The following CACNA1I variants were observed in gnomAD, a reference collection of about 807,000 sequenced individuals.
CACNA1I encodes voltage-dependent T-type calcium channel subunit alpha-1I.
Under a neutral mutation model 201.6 loss-of-function variants are expected in CACNA1I, and 74 were observed. The ratio of observed to expected loss-of-function variants is 0.37; its 90% CI spans 0.30 to 0.45. The LOEUF is 0.45. CACNA1I is among the 20% of genes least tolerant of loss of function. The probability of loss-of-function intolerance (pLI) is 1.00; values close to 1 mark genes in which losing one functional copy is unlikely to be tolerated. For missense variants in CACNA1I, 2,346 were observed against 3,138.1 expected (o/e 0.75, Z 6.03); for synonymous variants, 1,431 against 1,345.2 (o/e 1.06, Z -1.40).
chr22:39,585,126 C>G (rs6001625), intron 1 of CACNA1I, among the ~76,000 whole-genome samples: 32 of 152,304 alleles, frequency 2.1e-4, no homozygotes, highest in African/African-American at 6.7e-4. Context: ...GTGGTGCAAT[C>G]TCGGCTCACC....
intron 10 of CACNA1I, 147 bp from the exon 11 acceptor site, chr22:39,658,005 G>C (rs1246827131): frequency 5.1e-6 from 4 of 778,188 alleles, no homozygotes; most frequent in Non-Finnish European, 8.4e-6. Flanking sequence ...GGCCCTCGGG[G>C]CCTTGTGCAT....
At chr22:39,682,039 A>T (rs1485465779) in intron 34 of CACNA1I, among the ~76,000 whole-genome samples, 1 of 152,134 alleles carries the variant, frequency 6.6e-6, no homozygotes, top group African/African-American at 2.4e-5. Context: ...TGGAGGGGGC[A>T]TTAAGGCGGC....
rs1935109199 is a variant in CACNA1I, at chr22:39,664,127, A to G, written c.3634A>G (p.Thr1212Ala). 6.2e-7 allele frequency: 1 copy of G among 1,613,520 alleles called. No homozygotes were observed. ...TCTCACCGTGTCCAACTACATCTTC[A>G]CGGCCATCTTCGTGGGCGAGATGAC... ...IFLTVSNYIFTAIFVGEMTLK... is the reference protein window; with the variant it reads ...IFLTVSNYIFAAIFVGEMTLK... The change falls in exon 20 of 37, where the codon ACG becomes GCG. Residue 1212 changes from threonine to alanine, a missense_variant. This residue lies in a region of CACNA1I where 158 missense variants were observed against 231.6 expected (regional missense o/e 0.68). Transcript: ENST00000402142.
Position 39,660,422 on chromosome 22 carries a change from C to T in CACNA1I, c.2683C>T (p.Leu895=). Residue 895 remains leucine (L), a synonymous_variant, in exon 15 of 37, where the codon CTG becomes TTG. Coordinates refer to ENST00000402142, the MANE Select transcript of CACNA1I (RefSeq NM_021096.4). ...AGAGTTTGATAAGCTCCAGGAAGGC[C>T]TGGACAGCAGCGGAGGTAAACAGGC... ...IEEFDKLQEG[L]DSSGDPKLCP... 6.2e-7 allele frequency: 1 copy of T among 1,611,998 alleles called. No homozygotes were observed. Among genetic ancestry groups the T allele is most frequent in the Non-Finnish European group, 8.5e-7 (1 of 1,179,348 alleles).
At chr22:39,585,718 A>AC (rs1932729192) in intron 1 of CACNA1I, among the ~76,000 whole-genome samples, 1 of 123,102 alleles carries the variant, frequency 8.1e-6, no homozygotes, top group African/African-American at 3.1e-5. Flanking sequence ...AAAAAAAAAA[A>AC]CTTTTAAAGT....
intron 4 of CACNA1I, among the ~76,000 whole-genome samples, chr22:39,620,622 A>G (rs889503377): frequency 1.3e-5 from 2 of 152,216 alleles, no homozygotes; most frequent in African/African-American, 4.8e-5. Flanking sequence ...GTGAGTAGCA[A>G]AGGCTGGAGT....
At chr22:39,581,476 C>A (rs145608374) in intron 1 of CACNA1I, among the ~76,000 whole-genome samples, 7 of 152,128 alleles carry the variant, frequency 4.6e-5, no homozygotes, top group South Asian at 4.1e-4. Flanking sequence ...GCAGCTGAGC[C>A]GGCCCTGAGT....
rs183213018 is a variant in CACNA1I, at chr22:39,627,421, C to T, written c.581-7144C>T. ...CCTGTGCAGACGCCCCTGTGGACAG[C>T]GCCCCGAACGGCACACACATCTCTG... is the stretch of plus-strand genomic sequence containing the variant. On this transcript the variant is annotated intron_variant, in intron 4 of 36. Transcript: ENST00000402142. Among the ~76,000 whole-genome samples, 11 of 152,354 alleles carry T rather than the reference C, an allele frequency of 7.2e-5. No homozygotes were observed. In the East Asian group the frequency reaches 1.2e-3, roughly 16 times the overall value.
chr22:39,597,020 C>T (rs1036088595), intron 1 of CACNA1I, among the ~76,000 whole-genome samples: 2 of 152,210 alleles, frequency 1.3e-5, no homozygotes, highest in Non-Finnish European at 2.9e-5. Flanking sequence ...CGACTCCAGT[C>T]ATTGCCTGTT....
chr22:39,658,385 C>A, intron 11 of CACNA1I, 82 bp downstream of exon 11: 3 of 1,316,434 alleles, frequency 2.3e-6, no homozygotes, highest in Non-Finnish European at 3.2e-6. Flanking sequence ...ATATAAAGGA[C>A]ATAAGATGGC....
chr22:39,632,522 T>A lies in CACNA1I; in HGVS notation c.581-2043T>A, dbSNP rs1048533601. Among the ~76,000 whole-genome samples, 4 of 150,640 alleles carry A rather than the reference T, an allele frequency of 2.7e-5. No individual in the cohort carries two copies. The South Asian group carries it at 8.5e-4, about 32-fold the overall frequency. On this transcript the variant is annotated intron_variant, in intron 4 of 36. Coordinates refer to ENST00000402142, the MANE Select transcript of CACNA1I (RefSeq NM_021096.4). ...GAGCGGCCCCACTCCCCAGACACAG[T>A]CCTTTGGCTCAACACTTGGTCCCCT...
At chr22:39,681,778 C>A (rs1935714640) in intron 34 of CACNA1I, among the ~76,000 whole-genome samples, 1 of 152,084 alleles carries the variant, frequency 6.6e-6, no homozygotes. Flanking sequence ...GGTACCTCTG[C>A]CCCCTAGGCT....
chr22:39,662,470 G>T (rs950306780), intron 17 of CACNA1I, 35 bp downstream of exon 17: 1 of 1,363,564 alleles, frequency 7.3e-7, no homozygotes. Context: ...GACCTGGTGC[G>T]GTGGGATAGG....
intron 34 of CACNA1I, 29 bp downstream of exon 34, chr22:39,681,081 G>A (rs748336238): frequency 1.3e-6 from 2 of 1,593,696 alleles, no homozygotes; most frequent in South Asian, 2.3e-5. Context: ...TCCTGAGCAG[G>A]CGGGTCTGTC....
At chr22:39,653,486 C>T (rs1934716007) in intron 10 of CACNA1I, among the ~76,000 whole-genome samples, 1 of 152,164 alleles carries the variant, frequency 6.6e-6, no homozygotes, top group Non-Finnish European at 1.5e-5. Flanking sequence ...TGAGGTGGCG[C>T]TCGCAGAGAG....
chr22:39,607,484 C>T (rs1299669716), intron 3 of CACNA1I, among the ~76,000 whole-genome samples: 2 of 152,164 alleles, frequency 1.3e-5, no homozygotes, highest in African/African-American at 4.8e-5. Context: ...CTGTGGGCCA[C>T]TGGTGGAGAA....
intron 1 of CACNA1I, among the ~76,000 whole-genome samples, chr22:39,582,936 CCAAGCA>C: frequency 6.8e-6 from 1 of 147,538 alleles, no homozygotes; most frequent in East Asian, 2.1e-4. Context: ...ATCCATCCAT[CCAAGCA>C]TCCAACTATC....
At chr22:39,582,176 T>TATG (rs1490015937) in intron 1 of CACNA1I, among the ~76,000 whole-genome samples, 1 of 152,160 alleles carries the variant, frequency 6.6e-6, no homozygotes, top group Admixed American at 6.5e-5. Flanking sequence ...GATTATGGAT[T>TATG]GACTCTCCCC....
Position 39,659,612 on chromosome 22 carries a change from G to A in CACNA1I, c.2448+62G>A. 6.3e-7 allele frequency: 1 copy of A among 1,596,756 alleles called. No individual in the cohort carries two copies. Among genetic ancestry groups the A allele is most frequent in the Non-Finnish European group, 8.6e-7 (1 of 1,164,660 alleles). On this transcript the variant is annotated intron_variant, in intron 13 of 36. Coordinates refer to ENST00000402142, the MANE Select transcript of CACNA1I (RefSeq NM_021096.4). The surrounding 1 kb of genome is among the most constrained non-coding windows in gnomAD (Gnocchi z 4.3). ...GCGATGGGACAGTAGGCCTGGGAGG[G>A]GCGGGGCTGACAACTCCCATGCCTC...
Sources: allele counts gnomAD v4.1 joint callset (sites outside exome capture counted in the v4.1 genomes callset), GRCh38; gene constraint gnomAD v4.1.1; regional missense constraint gnomAD v4.1.1; non-coding constraint Gnocchi (gnomAD v3.1); transcripts MANE v1.5; gene names NCBI Gene and HGNC (gene_info 2026-07-23, HGNC 2026-07-21).